The following AGMO variants were observed in gnomAD, a reference collection of about 807,000 sequenced individuals.
AGMO encodes glyceryl-ether monooxygenase.
AGMO carries 75 observed loss-of-function variants against 60.2 expected under a neutral mutation model. That is an observed-to-expected ratio of 1.25 (90% CI 1.03 to 1.51). The LOEUF is 1.51. Ranked by LOEUF, AGMO falls within the 40% of genes most tolerant of loss-of-function variation. The pLI is 0.00. For synonymous variants in AGMO, 261 were observed against 177.1 expected (o/e 1.47, Z -3.76); for missense variants, 763 against 525.5 (o/e 1.45, Z -4.42).
chr7:15,293,031 G>C (rs1438273137), intron 12 of AGMO, among the ~76,000 whole-genome samples: 2 of 151,920 alleles, frequency 1.3e-5, no homozygotes, highest in African/African-American at 2.4e-5. Flanking sequence ...CCAAAGTGCT[G>C]GGATTACAAG....
intron 12 of AGMO, among the ~76,000 whole-genome samples, chr7:15,354,474 ACACG>A (rs2128555862): frequency 7.8e-5 from 2 of 25,760 alleles, no homozygotes; most frequent in African/African-American, 1.4e-4. Context: ...GTGTGTATAC[ACACG>A]TGTGTATATA....
chr7:15,483,050 G>C (rs1782803332), intron 3 of AGMO, among the ~76,000 whole-genome samples: 1 of 152,096 alleles, frequency 6.6e-6, no homozygotes, highest in South Asian at 2.1e-4. Flanking sequence ...AATAAGTACA[G>C]TGAGGCAAGA....
At chr7:15,139,713 T>C in the AGMO span, among the ~76,000 whole-genome samples, 1 of 151,546 alleles carries the variant, frequency 6.6e-6, no homozygotes, top group Non-Finnish European at 1.5e-5. Flanking sequence ...ATTTGGTATA[T>C]GCATGATTAA....
chr7:15,397,122 G>A (rs1421055992), intron 5 of AGMO, among the ~76,000 whole-genome samples: 2 of 152,118 alleles, frequency 1.3e-5, no homozygotes, highest in Non-Finnish European at 1.5e-5. Context: ...TACCTATCCT[G>A]GGCACTCCCG....
intron 5 of AGMO, among the ~76,000 whole-genome samples, chr7:15,394,589 A>G (rs59926519): frequency 0.013 from 1,942 of 152,304 alleles, 39 homozygotes; most frequent in African/African-American, 0.044. Flanking sequence ...ACTATCACCA[A>G]GGCACACTAC....
intron 8 of AGMO, 74 bp from the exon 9 acceptor site, chr7:15,387,614 T>C: frequency 7.4e-7 from 1 of 1,348,116 alleles, no homozygotes; most frequent in Non-Finnish European, 1.0e-6. Context: ...GTTATGTATA[T>C]TATTTTATTG....
intron 12 of AGMO, among the ~76,000 whole-genome samples, chr7:15,246,956 C>A (rs1203914932): frequency 6.6e-6 from 1 of 152,126 alleles, no homozygotes; most frequent in East Asian, 1.9e-4. Context: ...CAGGCATGCA[C>A]CACCATGCCT....
At chr7:15,315,039 C>G (rs1040966587) in intron 12 of AGMO, among the ~76,000 whole-genome samples, 1 of 152,066 alleles carries the variant, frequency 6.6e-6, no homozygotes, top group Non-Finnish European at 1.5e-5. Flanking sequence ...AAATGGGAAC[C>G]TAAGTCCTAT....
intron 3 of AGMO, among the ~76,000 whole-genome samples, chr7:15,515,229 T>C (rs1783777906): frequency 6.6e-6 from 1 of 152,256 alleles, no homozygotes; most frequent in Non-Finnish European, 1.5e-5. Flanking sequence ...GAAAACTCTC[T>C]AGTGAATTTC....
the AGMO span, among the ~76,000 whole-genome samples, chr7:15,156,861 G>T: frequency 6.6e-6 from 1 of 151,974 alleles, no homozygotes; most frequent in Non-Finnish European, 1.5e-5. Context: ...AGCCATCTTG[G>T]CTCTCCACCT....
intron 12 of AGMO, among the ~76,000 whole-genome samples, chr7:15,331,415 T>C (rs1227328472): frequency 1.3e-5 from 2 of 152,094 alleles, no homozygotes; most frequent in Non-Finnish European, 2.9e-5. Context: ...TGAAAAAATA[T>C]ATATAATGAG....
intron 12 of AGMO, among the ~76,000 whole-genome samples, chr7:15,299,886 C>A (rs7801356): frequency 0.2 from 22,313 of 114,246 alleles, 2,750 homozygotes; most frequent in African/African-American, 0.23. Flanking sequence ...CACACACACA[C>A]AGTATGTTTT....
chr7:15,221,680 C>G (rs1781927754), intron 12 of AGMO, among the ~76,000 whole-genome samples: 1 of 152,076 alleles, frequency 6.6e-6, no homozygotes, highest in Non-Finnish European at 1.5e-5. Context: ...TATGGAAGCT[C>G]TTTTTTGTAA....
intron 12 of AGMO, 54 bp from the exon 13 acceptor site, chr7:15,201,413 T>TG: frequency 8.1e-7 from 1 of 1,231,428 alleles, no homozygotes; most frequent in South Asian, 1.3e-5. Flanking sequence ...TCAATACTAT[T>TG]GCTCAACTGA....
In AGMO at chr7:15,305,561, T is replaced by C. The variant is rs1175957603; in HGVS notation, c.1263+59953A>G. On this transcript the variant is annotated intron_variant, in intron 12 of 12. Coordinates refer to ENST00000342526, the MANE Select transcript of AGMO (RefSeq NM_001004320.2). ...CTGTGAGTCGAATGGTTATATTAAA[T>C]ATGAGTAACAATTTATAATTTTACT... 2.6e-5 allele frequency among the ~76,000 whole-genome samples: 4 copies of C among 152,042 alleles called. 1 individual carries two copies. Among genetic ancestry groups the C allele is most frequent in the African/African-American group, 9.7e-5 (4 of 41,438 alleles).
At chr7:15,354,493 C>T (rs1220758272) in intron 12 of AGMO, among the ~76,000 whole-genome samples, 522 of 11,884 alleles carry the variant, frequency 0.044, 36 homozygotes, top group Middle Eastern at 0.062. Flanking sequence ...TATATACACA[C>T]GTGTATATAT....
intron 12 of AGMO, among the ~76,000 whole-genome samples, chr7:15,326,680 A>G (rs897997156): frequency 2.6e-5 from 4 of 152,222 alleles, no homozygotes; most frequent in African/African-American, 9.6e-5. Context: ...TCCCCATGGC[A>G]GAATTATACC....
intron 12 of AGMO, among the ~76,000 whole-genome samples, chr7:15,280,268 G>A (rs1304139138): frequency 1.3e-5 from 2 of 152,128 alleles, no homozygotes; most frequent in African/African-American, 2.4e-5. Flanking sequence ...AGCAGTGTGG[G>A]TGTGGGACCT....
intron 4 of AGMO, among the ~76,000 whole-genome samples, chr7:15,429,934 A>G (rs1781179190): frequency 6.6e-6 from 1 of 152,038 alleles, no homozygotes; most frequent in Admixed American, 6.6e-5. Flanking sequence ...GTGAAAAACA[A>G]TATGGAGGCA....
Sources: gnomAD v4.1 joint callset for allele counts (sites outside exome capture counted in the v4.1 genomes callset) on GRCh38, gnomAD v4.1.1 for gene constraint, MANE v1.5 for transcripts, NCBI Gene and HGNC (gene_info 2026-07-23, HGNC 2026-07-21) for gene names.